Variants in COL6A1 observed in about 807,000 individuals in gnomAD.
COL6A1 encodes the protein collagen type VI alpha 1 chain.
In COL6A1, 80 loss-of-function variants were observed where a neutral mutation model predicts 145.6. The ratio of observed to expected loss-of-function variants is 0.55; its 90% CI spans 0.46 to 0.66. COL6A1 has a LOEUF of 0.66. Ranked by LOEUF, COL6A1 falls within the 30% of genes least tolerant of loss-of-function variation. COL6A1 has a pLI of 0.00. For synonymous variants in COL6A1, 638 were observed against 622.8 expected, an observed-to-expected ratio of 1.02 and a Z score of -0.36; for missense variants, 1,364 against 1,473.8, an observed-to-expected ratio of 0.93 and a Z score of 1.22.
chr21:46,000,928 G>C, intron 29 of COL6A1, 161 bp downstream of exon 29: 1 of 933,308 alleles, frequency 1.1e-6, no homozygotes, highest in Non-Finnish European at 1.7e-6. Flanking sequence ...AGCCAGCAGG[G>C]TTCCCGGGTG....
At chr21:45,999,308 G>A (rs912198397) in intron 26 of COL6A1, 90 bp downstream of exon 26, 1 of 1,311,518 alleles carries the variant, frequency 7.6e-7, no homozygotes, top group Non-Finnish European at 1.1e-6. Context: ...GGCTGGGAGA[G>A]TGGGAGGCGG....
At position 46,001,964 on chromosome 21, in the gene COL6A1, G is replaced by C. The variant is rs375318905; in HGVS notation, c.1960G>C (p.Glu654Gln). Residue 654 changes from glutamate (E) to glutamine (Q), a missense_variant, in exon 31 of 35, where the codon GAG becomes CAG. By Grantham distance (29) the Glu-to-Gln change is conservative (BLOSUM62 2). This residue lies in a region of COL6A1 where 938 missense variants were observed against 1,003.8 expected (regional missense o/e 0.93). Transcript: ENST00000361866. ...RLSRDELVKF[E>Q]PGQSYAGVVQ... ...GACCCCGGTGCCGGTCCCACAGTTC[G>C]AGCCAGGGCAGTCGTACGCGGGTGT... 4.3e-6 allele frequency: 7 copies of C among 1,612,224 alleles called. No homozygotes were observed. Among genetic ancestry groups the C allele is most frequent in the Non-Finnish European group, 5.1e-6 (6 of 1,179,786 alleles).
Position 45,999,793 on chromosome 21 carries a change from G to GA in COL6A1, c.1776+101_1776+102insA. 4.8e-6 allele frequency: 4 copies of GA among 828,690 alleles called. 1 individual carries two copies. The highest frequency in any genetic ancestry group is 3.8e-5 in the East Asian group (1 of 26,060). The allele number at this position is 828,690 out of a possible 1,614,324, so 51.3% of individuals were successfully genotyped here. On this transcript the variant is annotated intron_variant, in intron 27 of 34. Transcript: ENST00000361866. Reference sequence around the variant, plus strand: ...GGGTGCTCCTGTAGACGCTGCTCACGGGGGGGTGGGTTGTGGACAAAGAGC... The same window carrying GA: ...GGGTGCTCCTGTAGACGCTGCTCACGAGGGGGGTGGGTTGTGGACAAAGAGC...
intron 1 of COL6A1, among the ~76,000 whole-genome samples, chr21:45,982,225 C>A (rs1466807659): frequency 6.6e-6 from 1 of 152,156 alleles, no homozygotes; most frequent in Non-Finnish European, 1.5e-5. Flanking sequence ...GCGGGGCTGT[C>A]TCGGCGCCCC....
At chr21:45,990,602 G>A (rs956335281) in intron 13 of COL6A1, among the ~76,000 whole-genome samples, 171 bp from the exon 14 acceptor site, 6 of 119,502 alleles carry the variant, frequency 5.0e-5, no homozygotes, top group Non-Finnish European at 1.1e-4. Flanking sequence ...CCGGCAGGAG[G>A]GACAGGGAGG....
At chr21:45,998,676 C>CCGAT (rs1178164688) in intron 24 of COL6A1, among the ~76,000 whole-genome samples, 2 of 152,198 alleles carry the variant, frequency 1.3e-5, no homozygotes, top group African/African-American at 4.8e-5. Context: ...TGCCCGGTGA[C>CCGAT]CGATCTCCCC....
Position 45,990,788 on chromosome 21 carries a change from C to G in COL6A1, c.1018C>G (p.Pro340Ala). The G allele has an allele frequency of 6.2e-7, 1 of 1,613,338 alleles. No homozygotes were observed. The highest frequency in any genetic ancestry group is 8.5e-7 in the Non-Finnish European group (1 of 1,179,982). ...VDGVKGEMGY[P>A]GLPGCKGSPG... ...CTCTTTCCAGGGGGAGATGGGGTAC[C>G]CAGGCCTGCCAGGCTGCAAGGGCTC... Residue 340 changes from proline (P) to alanine (A), a missense_variant, in exon 14 of 35, where the codon CCA (proline) becomes GCA (alanine). By Grantham distance (27) the Pro-to-Ala change is conservative (BLOSUM62 -1). Transcript: ENST00000361866.
intron 11 of COL6A1, 130 bp downstream of exon 11, chr21:45,989,908 C>T: frequency 2.5e-6 from 3 of 1,206,394 alleles, no homozygotes; most frequent in South Asian, 1.3e-5. Context: ...GCTCCACCGC[C>T]CCTCGCCGTC....
chr21:45,985,098 ACAGAGACAGAGGGG>A (rs1199647136), intron 3 of COL6A1, among the ~76,000 whole-genome samples: 2 of 152,048 alleles, frequency 1.3e-5, no homozygotes, highest in Non-Finnish European at 2.9e-5. Context: ...AGACAGAGAG[ACAGAGACAGAGGGG>A]CAGAGACAGG....
At chr21:46,001,440 C>T (rs1260748435) in intron 30 of COL6A1, 54 bp downstream of exon 30, 26 of 1,597,632 alleles carry the variant, frequency 1.6e-5, no homozygotes, top group East Asian at 2.2e-5. Context: ...CCGACCCTGC[C>T]GGCCGCCCCT....
chr21:45,990,935 C>A (rs1285017882), intron 14 of COL6A1, 44 bp from the exon 15 acceptor site: 2 of 1,611,992 alleles, frequency 1.2e-6, no homozygotes, highest in Non-Finnish European at 1.7e-6. Flanking sequence ...CCAGAGGCCG[C>A]GGTGGCCTCT....
rs2072699 is a variant in COL6A1, at chr21:45,983,414, G to A, written c.227+651G>A. ...CCGCTGAGGGGGGGGCATGTAGAAC[G>A]GGGCTCCCCCACTGAGACGGGTCCT... On this transcript the variant is annotated intron_variant, in intron 2 of 34. Transcript: ENST00000361866. Among the ~76,000 whole-genome samples, 2,421 of 152,106 alleles carry A rather than the reference G, an allele frequency of 0.016. 129 individuals carry two copies. The East Asian group carries it at 0.18, about 11-fold the overall frequency.
chr21:46,000,813 G>A (rs760143951), intron 29 of COL6A1, 46 bp downstream of exon 29: 123 of 1,609,876 alleles, frequency 7.6e-5, no homozygotes, highest in Middle Eastern at 5.0e-4. Context: ...CCCGGGGGTC[G>A]GGGAGCGAGG....
rs1387243706 is a variant in COL6A1 at position 45,992,627 on chromosome 21, G to A, written c.1273-121G>A. On this transcript the variant is annotated intron_variant, in intron 18 of 34. Coordinates refer to ENST00000361866, the MANE Select transcript of COL6A1 (RefSeq NM_001848.3). The stretch of plus-strand genomic sequence containing the variant: ...CTGCAACCGTGGGGCATGCGGTGGA[G>A]GGGTGGCCCCTCCCAGGGGTCCTGC... 1.6e-5 allele frequency: 18 copies of A among 1,112,452 alleles called. No individual in the cohort carries two copies. In the Admixed American group the frequency reaches 3.6e-4, roughly 22 times the overall value. The allele number at this position is 1,112,452 out of a possible 1,614,324, so 68.9% of individuals were successfully genotyped here.
At chr21:46,001,114 T>C in intron 29 of COL6A1, 139 bp from the exon 30 acceptor site, 1 of 1,257,624 alleles carries the variant, frequency 8.0e-7, no homozygotes, top group Non-Finnish European at 1.1e-6. Flanking sequence ...GGGGGTGGGC[T>C]TTTCTGGGGC....
chr21:46,001,415 A>T, intron 30 of COL6A1, 29 bp downstream of exon 30: 1 of 1,605,370 alleles, frequency 6.2e-7, no homozygotes, highest in Non-Finnish European at 8.5e-7. Flanking sequence ...CGGCTTTCTC[A>T]AGCCCAGGTG....
Position 45,999,235 on chromosome 21 carries a change from G to A in COL6A1, c.1740+17G>A, listed in dbSNP as rs200299050. 204 of 1,583,304 alleles carry A rather than the reference G, an allele frequency of 1.3e-4. No individual in the cohort carries two copies. The East Asian group carries it at 4.1e-3, about 32-fold the overall frequency. ...GGCCCCCAGGTGGGTGGATGTGGCT[G>A]GGTGAGGCCACGGTGGGCTGTGCCT... is the stretch of plus-strand genomic sequence containing the variant. On this transcript the variant is annotated intron_variant, in intron 26 of 34. Transcript: ENST00000361866.
rs189444981 is a variant in COL6A1, at chr21:45,984,389, C to T, written c.348C>T (p.Ser116=). ...MPGGRDALKS[S]VDAVKYFGKG... ...GCGGCCGCGACGCACTCAAAAGCAG[C>T]GTGGACGCGGTCAAGTACTTTGGGA... is the stretch of plus-strand genomic sequence containing the variant. Residue 116 remains serine, a synonymous_variant, in exon 3 of 35, where the codon AGC becomes AGT. Transcript: ENST00000361866. 44 of 1,612,748 alleles carry T rather than the reference C, an allele frequency of 2.7e-5. No individual in the cohort carries two copies. In the Admixed American group the frequency reaches 4.5e-4, roughly 16 times the overall value.
In COL6A1 at chr21:45,983,002, C is replaced by T. The variant is rs116551259; in HGVS notation, c.227+239C>T. ...TTCCAGAGTGAGCTGGTTTGAGACC[C>T]TGCTCGCGGGGGTGGCACCTGTTCA... On this transcript the variant is annotated intron_variant, in intron 2 of 34. Transcript: ENST00000361866. Among the ~76,000 whole-genome samples the T allele has an allele frequency of 8.1e-3, 1,230 of 152,342 alleles. 11 individuals are homozygous for T. The highest frequency in any genetic ancestry group is 0.027 in the African/African-American group (1,109 of 41,584).
Sources: allele counts gnomAD v4.1 joint callset (sites outside exome capture counted in the v4.1 genomes callset), GRCh38; gene constraint gnomAD v4.1.1; regional missense constraint gnomAD v4.1.1; transcripts MANE v1.5; gene names NCBI Gene and HGNC (gene_info 2026-07-23, HGNC 2026-07-21).